The following LEF1 variants were observed in gnomAD, a reference collection of about 807,000 sequenced individuals.
LEF1 encodes the protein lymphoid enhancer binding factor 1.
In LEF1, 14 loss-of-function variants were observed where a neutral mutation model predicts 51.2. The ratio of observed to expected loss-of-function variants is 0.27; its 90% CI spans 0.18 to 0.43. The LOEUF (loss-of-function observed/expected upper bound fraction) is 0.43. LEF1 is among the 20% of genes least tolerant of loss of function. LEF1 has a pLI of 1.00. For missense variants in LEF1, 386 were observed against 512.0 expected (o/e 0.75, Z 2.37); for synonymous variants, 185 against 183.2 (o/e 1.01, Z -0.08).
chr4:108,088,226 T>A (rs1739775116), intron 4 of LEF1, among the ~76,000 whole-genome samples: 1 of 152,178 alleles, frequency 6.6e-6, no homozygotes, highest in African/African-American at 2.4e-5. Context: ...GTCATTAAAT[T>A]TTGTTGTCCA....
intron 3 of LEF1, among the ~76,000 whole-genome samples, chr4:108,110,886 T>A (rs991416471): frequency 6.6e-6 from 1 of 152,208 alleles, no homozygotes; most frequent in Non-Finnish European, 1.5e-5. Flanking sequence ...CCTAGAACCA[T>A]AATATCTCTG....
rs1736740027 is a variant in LEF1 at position 108,048,124 on chromosome 4, T to C, written c.*634A>G. The C allele has an allele frequency of 6.6e-6, 1 of 152,034 alleles. No individual in the cohort carries two copies. Among genetic ancestry groups the C allele is most frequent in the Non-Finnish European group, 1.5e-5 (1 of 67,996 alleles). The allele number at this position is 152,034 out of a possible 1,614,324, so 9.4% of individuals were successfully genotyped here. On this transcript the variant is annotated 3_prime_UTR_variant, in exon 12 of 12. Coordinates refer to ENST00000265165, the MANE Select transcript of LEF1 (RefSeq NM_016269.5). Reference sequence around the variant, plus strand: ...AGAACTTTCAATTTTATTTAAAAGCTCATAGCTAGCAAAATATACAAGAAA... The same window carrying C: ...AGAACTTTCAATTTTATTTAAAAGCCCATAGCTAGCAAAATATACAAGAAA...
intron 3 of LEF1, among the ~76,000 whole-genome samples, chr4:108,161,748 T>A (rs535838438): frequency 8.2e-4 from 125 of 152,314 alleles, no homozygotes; most frequent in African/African-American, 2.9e-3. Context: ...AAAGGAGAAG[T>A]AGCTGATCTT....
chr4:108,057,989 T>C (rs1038484975), intron 11 of LEF1, among the ~76,000 whole-genome samples: 16 of 151,934 alleles, frequency 1.1e-4, no homozygotes, highest in African/African-American at 3.4e-4. Flanking sequence ...TTCTCCGGCC[T>C]CAGCCTCCTG....
chr4:108,160,115 A>G (rs1228310081), intron 3 of LEF1, among the ~76,000 whole-genome samples: 1 of 152,168 alleles, frequency 6.6e-6, no homozygotes, highest in Non-Finnish European at 1.5e-5. Flanking sequence ...TGCATGCGGG[A>G]CAAATGGAAG....
At position 108,083,398 on chromosome 4, in the gene LEF1, A is replaced by G. The variant is rs768217737; in HGVS notation, c.596T>C (p.Leu199Ser). The G allele has an allele frequency of 1.2e-6, 2 of 1,613,928 alleles. No individual in the cohort carries two copies. Among genetic ancestry groups the G allele is most frequent in the Non-Finnish European group, 1.7e-6 (2 of 1,179,822 alleles). ...GATCTGTCCAACACCACCCGGAGAC[A>G]AGGGATAAAAAGTAGGGATATCAGG... ...PAPDIPTFYPLSPGGVGQITP... is the reference protein window; with the variant it reads ...PAPDIPTFYPSSPGGVGQITP... Residue 199 changes from leucine to serine, a missense_variant, in exon 5 of 12, where the codon TTG becomes TCG. Physicochemically the swap from Leu to Ser is moderately radical, Grantham distance 145 (BLOSUM62 -2). Coordinates refer to ENST00000265165, the MANE Select transcript of LEF1 (RefSeq NM_016269.5).
chr4:108,105,112 ATGGGT>A (rs1404500150), intron 3 of LEF1, among the ~76,000 whole-genome samples: 60 of 151,648 alleles, frequency 4.0e-4, no homozygotes, highest in Non-Finnish European at 6.2e-4. Context: ...GCTTAATACT[ATGGGT>A]TTACGTTTTT....
At chr4:108,059,739 G>T (rs982655164) in intron 11 of LEF1, among the ~76,000 whole-genome samples, 4 of 151,924 alleles carry the variant, frequency 2.6e-5, no homozygotes, top group African/African-American at 9.7e-5. Flanking sequence ...GCCATGTTCT[G>T]TTGCTCAGGC....
intron 3 of LEF1, among the ~76,000 whole-genome samples, chr4:108,095,384 T>C (rs970935567): frequency 1.3e-5 from 2 of 152,216 alleles, no homozygotes; most frequent in East Asian, 3.8e-4. Context: ...ATGAGAAGGC[T>C]GAGTCTTTTT....
intron 3 of LEF1, among the ~76,000 whole-genome samples, chr4:108,142,113 G>C (rs1191498189): frequency 6.6e-6 from 1 of 152,186 alleles, no homozygotes; most frequent in Non-Finnish European, 1.5e-5. Context: ...TTCCAATTGG[G>C]AAAGGGACTC....
In LEF1 at chr4:108,093,704, G is replaced by T. The variant is rs574308130; in HGVS notation, c.415-4447C>A. Among the ~76,000 whole-genome samples, 3 of 152,158 alleles carry T rather than the reference G, an allele frequency of 2.0e-5. No homozygotes were observed. In the East Asian group the frequency reaches 5.8e-4, roughly 29 times the overall value. On this transcript the variant is annotated intron_variant, in intron 3 of 11. Transcript: ENST00000265165. Reference sequence around the variant, plus strand: ...TCCAACTGCACATTCTTTAATCTCAGGCAGGTGATTGGTGGGTGAGCAAAG... The same window carrying T: ...TCCAACTGCACATTCTTTAATCTCATGCAGGTGATTGGTGGGTGAGCAAAG...
rs1298600329 is a variant in LEF1 at position 108,078,394 on chromosome 4, T to C, written c.846-12A>G. Reference sequence around the variant, plus strand: ...CATGCTGAGGCTTCCTAAAAGGTGGTGGTGGTGGTGGTTAGGGGAAGGGGT... The same window carrying C: ...CATGCTGAGGCTTCCTAAAAGGTGGCGGTGGTGGTGGTTAGGGGAAGGGGT... On this transcript the variant is annotated splice_polypyrimidine_tract_variant and intron_variant, in intron 7 of 11. Transcript: ENST00000265165. 1 of 1,613,778 alleles carries C rather than the reference T, an allele frequency of 6.2e-7. No individual in the cohort carries two copies.
chr4:108,125,200 A>G (rs915132225), intron 3 of LEF1, among the ~76,000 whole-genome samples: 37 of 151,976 alleles, frequency 2.4e-4, no homozygotes, highest in African/African-American at 8.2e-4. Context: ...GTCTTGCTCT[A>G]TCGCCCAGGC....
At chr4:108,070,986 T>C (rs1327429765) in intron 8 of LEF1, 3 of 458,184 alleles carry the variant, frequency 6.5e-6, no homozygotes, top group Non-Finnish European at 1.2e-5. Flanking sequence ...TGTTCTCTGA[T>C]ATCACATGAA....
At chr4:108,153,163 C>A (rs777765063) in intron 3 of LEF1, among the ~76,000 whole-genome samples, 2 of 152,220 alleles carry the variant, frequency 1.3e-5, no homozygotes, top group East Asian at 1.9e-4. Context: ...ATCTCTTTGG[C>A]AACCTAGAAG....
At chr4:108,099,596 A>ATATATGTG (rs1740662214) in intron 3 of LEF1, among the ~76,000 whole-genome samples, 2 of 129,058 alleles carry the variant, frequency 1.5e-5, no homozygotes, top group African/African-American at 2.8e-5. Flanking sequence ...ATATATATAT[A>ATATATGTG]TATATATATA....
chr4:108,058,345 T>C (rs1005069984), intron 11 of LEF1, among the ~76,000 whole-genome samples: 3 of 152,232 alleles, frequency 2.0e-5, no homozygotes, highest in Admixed American at 6.5e-5. Flanking sequence ...ATTTTGAAAA[T>C]TGTTTAATTA....
At chr4:108,115,560 G>A (rs759144202) in intron 3 of LEF1, among the ~76,000 whole-genome samples, 1 of 152,150 alleles carries the variant, frequency 6.6e-6, no homozygotes, top group Non-Finnish European at 1.5e-5. Context: ...CAAAACAGTA[G>A]GATGAAGCTG....
chr4:108,101,725 T>C (rs1472367867), intron 3 of LEF1, among the ~76,000 whole-genome samples: 3 of 152,076 alleles, frequency 2.0e-5, no homozygotes, highest in East Asian at 1.9e-4. Flanking sequence ...TTCTAAAGCT[T>C]TGAATTTCAA....
Sources: gnomAD v4.1 joint callset for allele counts (sites outside exome capture counted in the v4.1 genomes callset) on GRCh38, gnomAD v4.1.1 for gene constraint, MANE v1.5 for transcripts, NCBI Gene and HGNC (gene_info 2026-07-23, HGNC 2026-07-21) for gene names.